ATRNL1: variants seen among roughly 807,000 people sequenced by gnomAD.
ATRNL1 encodes the protein attractin like 1.
In ATRNL1, 95 loss-of-function variants were observed where a neutral mutation model predicts 182.7. That is an observed-to-expected ratio of 0.52 (90% confidence interval 0.44 to 0.62). The LOEUF is 0.62. Among genes scored for constraint, ATRNL1 ranks in the 20% least tolerant of loss-of-function variants. The pLI is 0.00. For synonymous variants in ATRNL1, 576 were observed against 568.3 expected (o/e 1.01, Z -0.19); for missense variants, 1,471 against 1,679.5 (o/e 0.88, Z 2.17).
intron 27 of ATRNL1, among the ~76,000 whole-genome samples, chr10:115,766,271 C>A (rs1555075029): frequency 6.6e-6 from 1 of 152,144 alleles, no homozygotes; most frequent in Non-Finnish European, 1.5e-5. Flanking sequence ...CCAAATTGAT[C>A]ATTATAGAAC....
chr10:115,573,494 G>A (rs1555004113), intron 26 of ATRNL1, among the ~76,000 whole-genome samples: 1 of 152,004 alleles, frequency 6.6e-6, no homozygotes, highest in Admixed American at 6.6e-5. Flanking sequence ...AGGCCAAAAG[G>A]CAGCTTTGGG....
intron 19 of ATRNL1, among the ~76,000 whole-genome samples, chr10:115,341,256 C>G (rs1293913307): frequency 6.6e-6 from 1 of 152,018 alleles, no homozygotes; most frequent in Non-Finnish European, 1.5e-5. Flanking sequence ...CAGTTTCCTT[C>G]TTAGTTTCTT....
At chr10:115,391,217 G>A (rs924530862) in intron 19 of ATRNL1, among the ~76,000 whole-genome samples, 2 of 152,286 alleles carry the variant, frequency 1.3e-5, no homozygotes, top group Non-Finnish European at 2.9e-5. Flanking sequence ...AAGTGGTAAA[G>A]GTGGACATCC....
chr10:115,295,042 C>G (rs1316266835), intron 15 of ATRNL1, among the ~76,000 whole-genome samples: 1 of 152,138 alleles, frequency 6.6e-6, no homozygotes, highest in Non-Finnish European at 1.5e-5. Flanking sequence ...GGAGCATAGG[C>G]ATGCAGTCAC....
At chr10:115,608,467 C>T (rs1856983141) in intron 26 of ATRNL1, among the ~76,000 whole-genome samples, 1 of 152,006 alleles carries the variant, frequency 6.6e-6, no homozygotes, top group Non-Finnish European at 1.5e-5. Flanking sequence ...ATCAAGAACA[C>T]TACATACCAT....
At chr10:115,697,157 T>C (rs1022164340) in intron 26 of ATRNL1, among the ~76,000 whole-genome samples, 33 of 152,136 alleles carry the variant, frequency 2.2e-4, no homozygotes, top group Admixed American at 2.0e-3. Flanking sequence ...TCTCTGATGA[T>C]CAGTGATTTT....
At chr10:115,109,757 A>G (rs1176516967) in intron 1 of ATRNL1, among the ~76,000 whole-genome samples, 3 of 152,180 alleles carry the variant, frequency 2.0e-5, no homozygotes, top group Admixed American at 2.0e-4. Flanking sequence ...CTGTTTTAGG[A>G]GGCAATCAAC....
At chr10:115,533,313 T>G (rs1179274346) in intron 25 of ATRNL1, among the ~76,000 whole-genome samples, 1 of 152,150 alleles carries the variant, frequency 6.6e-6, no homozygotes, top group Non-Finnish European at 1.5e-5. Flanking sequence ...ATTCAACTTC[T>G]TCTTGGTTTA....
intron 21 of ATRNL1, among the ~76,000 whole-genome samples, chr10:115,446,019 C>T (rs912596039): frequency 1.3e-5 from 2 of 152,086 alleles, no homozygotes; most frequent in Non-Finnish European, 2.9e-5. Flanking sequence ...GTTGTTTTTA[C>T]ATTTTGGCTA....
chr10:115,348,389 G>A (rs979081446), intron 19 of ATRNL1, among the ~76,000 whole-genome samples: 1 of 152,026 alleles, frequency 6.6e-6, no homozygotes, highest in Non-Finnish European at 1.5e-5. Context: ...TATGTTCCTG[G>A]CAAATGTTAA....
At chr10:115,622,669 T>C (rs1857843000) in intron 26 of ATRNL1, among the ~76,000 whole-genome samples, 1 of 73,730 alleles carries the variant, frequency 1.4e-5, no homozygotes, top group Admixed American at 2.1e-4. Flanking sequence ...GCTCACGCCT[T>C]GTAATCCAAG....
intron 27 of ATRNL1, among the ~76,000 whole-genome samples, chr10:115,819,273 A>C (rs80288059): frequency 0.038 from 5,831 of 151,938 alleles, 329 homozygotes; most frequent in African/African-American, 0.12. Context: ...TCAAAATTGA[A>C]CTCATTAACT....
intron 21 of ATRNL1, among the ~76,000 whole-genome samples, chr10:115,427,875 C>G (rs1200647633): frequency 1.3e-5 from 2 of 150,910 alleles, no homozygotes; most frequent in Non-Finnish European, 3.0e-5. Flanking sequence ...CTTTGTTCTT[C>G]CTTTTCAAAC....
intron 24 of ATRNL1, among the ~76,000 whole-genome samples, chr10:115,475,152 G>C (rs1848475392): frequency 6.6e-6 from 1 of 151,396 alleles, no homozygotes; most frequent in South Asian, 2.1e-4. Flanking sequence ...GAAATATTTA[G>C]TGTTCTTTTT....
intron 27 of ATRNL1, among the ~76,000 whole-genome samples, chr10:115,731,966 G>A (rs879968177): frequency 6.6e-6 from 1 of 152,106 alleles, no homozygotes; most frequent in Non-Finnish European, 1.5e-5. Flanking sequence ...TGTCTTTAAA[G>A]TTGATACGTG....
chr10:115,148,801 A>G (rs908585872), intron 5 of ATRNL1, among the ~76,000 whole-genome samples: 1 of 144,048 alleles, frequency 6.9e-6, no homozygotes, highest in Non-Finnish European at 1.5e-5. Flanking sequence ...CCAGGCTGGA[A>G]TGCAGTGATG....
At chr10:115,108,159 T>C (rs1474845816) in intron 1 of ATRNL1, among the ~76,000 whole-genome samples, 4 of 152,192 alleles carry the variant, frequency 2.6e-5, no homozygotes, top group Admixed American at 6.5e-5. Context: ...CTTTTCATAA[T>C]ATGTTTTGTT....
intron 8 of ATRNL1, among the ~76,000 whole-genome samples, chr10:115,196,655 A>G (rs1848373144): frequency 6.6e-6 from 1 of 152,058 alleles, no homozygotes; most frequent in South Asian, 2.1e-4. Flanking sequence ...AAATTCCTAA[A>G]TATTTCATAT....
intron 28 of ATRNL1, among the ~76,000 whole-genome samples, chr10:115,914,749 G>A (rs7100711): frequency 0.96 from 146,431 of 152,280 alleles, 70,666 homozygotes; most frequent in East Asian, 1. Context: ...TCAACTGTTA[G>A]GAAGTGAGAT....
Sources: allele counts gnomAD v4.1 joint callset (sites outside exome capture counted in the v4.1 genomes callset), GRCh38; gene constraint gnomAD v4.1.1; transcripts MANE v1.5; gene names NCBI Gene and HGNC (gene_info 2026-07-23, HGNC 2026-07-21).